Variants in DBX1 observed in about 807,000 individuals in gnomAD.
DBX1 encodes developing brain homeobox 1.
Under a neutral mutation model 20.8 loss-of-function variants are expected in DBX1, and 10 were observed. The observed-to-expected ratio is 0.48, with a 90% confidence interval of 0.30 to 0.82. The LOEUF (loss-of-function observed/expected upper bound fraction) is 0.82. Among genes scored for constraint, DBX1 ranks in the 40% least tolerant of loss-of-function variants. The pLI is 0.07. For missense variants in DBX1, 505 were observed against 468.8 expected, an observed-to-expected ratio of 1.08 and a Z score of -0.71; for synonymous variants, 241 against 213.9, an observed-to-expected ratio of 1.13 and a Z score of -1.11.
In DBX1 at chr11:20,156,777, G is replaced by A; in HGVS notation, c.673-204C>T. ...GCTCGCGGTTCCGTTTGCCTCATCCGCTGCCACCCTGCCCCGAAGGGCGGG... is the reference window on the plus strand; with the variant it reads ...GCTCGCGGTTCCGTTTGCCTCATCCACTGCCACCCTGCCCCGAAGGGCGGG... On this transcript the variant is annotated intron_variant, in intron 3 of 3. Transcript: ENST00000524983. The surrounding 1 kb of genome is among the most constrained non-coding windows in gnomAD (Gnocchi z 4.8). 1.1e-6 allele frequency: 1 copy of A among 897,812 alleles called. No homozygotes were observed. The highest frequency in any genetic ancestry group is 1.8e-6 in the Non-Finnish European group (1 of 568,110). The allele number at this position is 897,812 out of a possible 1,614,324, so 55.6% of individuals were successfully genotyped here. A position where few individuals can be genotyped will look rare whatever the true frequency, so the allele number is the denominator to read the frequency against.
intron 2 of DBX1, among the ~76,000 whole-genome samples, chr11:20,158,014 T>TTG (rs1471374058): frequency 2.6e-5 from 4 of 151,966 alleles, no homozygotes; most frequent in African/African-American, 9.7e-5. Context: ...CAAAAGAGAT[T>TTG]TACACTTTCA....
At position 20,159,301 on chromosome 11, in the gene DBX1, C is replaced by A. The variant is rs1166018065; in HGVS notation, c.368-9G>T. The stretch of plus-strand genomic sequence containing the variant: ...CAAGGCTGGGGATGTTTCTGGTGGG[C>A]GATGGAGGGGGGACAGAAGGAGAGA... On this transcript the variant is annotated splice_polypyrimidine_tract_variant and intron_variant, in intron 1 of 3. Transcript: ENST00000524983. 6.3e-7 allele frequency: 1 copy of A among 1,592,252 alleles called. No individual in the cohort carries two copies. The highest frequency in any genetic ancestry group is 1.1e-5 in the South Asian group (1 of 90,630).
At position 20,156,204 on chromosome 11, in the gene DBX1, C is replaced by T. The variant is rs780739222; in HGVS notation, c.*10G>A. On this transcript the variant is annotated 3_prime_UTR_variant, in exon 4 of 4. Transcript: ENST00000524983. This position sits in a 1 kb window ranked among gnomAD's most constrained non-coding sequence, Gnocchi z 4.8. The stretch of plus-strand genomic sequence containing the variant: ...CACTTAAAAATAGTACTCTGGCGTG[C>T]GAGCGGCTTCTAGGACACGGTGATT... 6.6e-7 allele frequency: 1 copy of T among 1,516,080 alleles called. No individual in the cohort carries two copies. Among genetic ancestry groups the T allele is most frequent in the South Asian group, 1.3e-5 (1 of 74,754 alleles). The allele number at this position is 1,516,080 out of a possible 1,614,324, so 93.9% of individuals were successfully genotyped here. A position where few individuals can be genotyped will look rare whatever the true frequency, so the allele number is the denominator to read the frequency against.
At position 20,160,438 on chromosome 11, in the gene DBX1, C is replaced by G. The variant is rs996386188; in HGVS notation, c.-114G>C. 1.5e-6 allele frequency: 2 copies of G among 1,332,164 alleles called. No individual in the cohort carries two copies. The highest frequency in any genetic ancestry group is 6.6e-5 in the Admixed American group (2 of 30,508). 82.5% of individuals were successfully genotyped at this position (1,332,164 alleles called of 1,614,324 possible). On this transcript the variant is annotated 5_prime_UTR_variant, in exon 1 of 4. Coordinates refer to ENST00000524983, the MANE Select transcript of DBX1 (RefSeq NM_001029865.4). ...TCTCTCTTGGGCTTAGCAAACGTCT[C>G]CAAGTAACAATCCCACTTGGGCGTC...
chr11:20,156,679 T>G lies in DBX1; in HGVS notation c.673-106A>C, dbSNP rs138880471. 118 of 1,508,590 alleles carry G rather than the reference T, an allele frequency of 7.8e-5. 1 individual carries two copies. The African/African-American group carries it at 1.1e-3, about 14-fold the overall frequency. The allele number at this position is 1,508,590 out of a possible 1,614,324, so 93.5% of individuals were successfully genotyped here. On this transcript the variant is annotated intron_variant, in intron 3 of 3. Transcript: ENST00000524983. This position sits in a 1 kb window ranked among gnomAD's most constrained non-coding sequence, Gnocchi z 4.8. Reference sequence around the variant, plus strand: ...TGGAGTCGGGTGCAGGCTCTGTCCTTCGGGCTGTGTCCTCTCCCCACCCCC... The same window carrying G: ...TGGAGTCGGGTGCAGGCTCTGTCCTGCGGGCTGTGTCCTCTCCCCACCCCC...
At position 20,156,696 on chromosome 11, in the gene DBX1, C is replaced by T. The variant is rs775321789; in HGVS notation, c.673-123G>A. 7.1e-5 allele frequency: 100 copies of T among 1,410,408 alleles called. No homozygotes were observed. Among genetic ancestry groups the T allele is most frequent in the Non-Finnish European group, 9.6e-5 (96 of 1,000,038 alleles). 87.4% of individuals were successfully genotyped at this position (1,410,408 alleles called of 1,614,324 possible). On this transcript the variant is annotated intron_variant, in intron 3 of 3. Coordinates refer to ENST00000524983, the MANE Select transcript of DBX1 (RefSeq NM_001029865.4). The surrounding 1 kb of genome is among the most constrained non-coding windows in gnomAD (Gnocchi z 4.8). ...TCTGTCCTTCGGGCTGTGTCCTCTC[C>T]CCACCCCCAGAAATGAGTTCCGGTG...
In DBX1 at chr11:20,156,626, G is replaced by C. The variant is rs778618317; in HGVS notation, c.673-53C>G. 4 of 1,613,324 alleles carry C rather than the reference G, an allele frequency of 2.5e-6. No individual in the cohort carries two copies. Among genetic ancestry groups the C allele is most frequent in the East Asian group, 2.2e-5 (1 of 44,850 alleles). ...GGGAGAAGCAGAGGTCAGATCAGGG[G>C]CTCCGGGGGACGCACGGGGGCGGGG... is the stretch of plus-strand genomic sequence containing the variant. On this transcript the variant is annotated intron_variant, in intron 3 of 3. Transcript: ENST00000524983. The surrounding 1 kb of genome is among the most constrained non-coding windows in gnomAD (Gnocchi z 4.8).
chr11:20,156,817 A>C lies in DBX1; in HGVS notation c.672+220T>G. The C allele has an allele frequency of 2.6e-6, 2 of 756,680 alleles. No individual in the cohort carries two copies. Among genetic ancestry groups the C allele is most frequent in the Non-Finnish European group, 4.3e-6 (2 of 465,280 alleles). 46.9% of individuals were successfully genotyped at this position (756,680 alleles called of 1,614,324 possible). On this transcript the variant is annotated intron_variant, in intron 3 of 3. Coordinates refer to ENST00000524983, the MANE Select transcript of DBX1 (RefSeq NM_001029865.4). This position sits in a 1 kb window ranked among gnomAD's most constrained non-coding sequence, Gnocchi z 4.8. The stretch of plus-strand genomic sequence containing the variant: ...CGAAGGGCGGGGTTGGGGGCCGGTG[A>C]GGCCGGGAGAGAAGGCGGGGAGTCG...
chr11:20,160,148 G>C lies in DBX1; in HGVS notation c.177C>G (p.Pro59=). Residue 59 remains proline (P), a synonymous_variant, in exon 1 of 4, where the codon CCC becomes CCG. Transcript: ENST00000524983. ...GCCTGGGCGGCGACATGCTGGCGGTGGGCACGCTGCGGGGCAGGTAGGCGG... is the reference window on the plus strand; with the variant it reads ...GCCTGGGCGGCGACATGCTGGCGGTCGGCACGCTGCGGGGCAGGTAGGCGG... ...RPPAYLPRSV[P]TASMSPPRQG... 6.5e-7 allele frequency: 1 copy of C among 1,548,162 alleles called. No homozygotes were observed. Among genetic ancestry groups the C allele is most frequent in the Admixed American group, 2.0e-5 (1 of 50,860 alleles).
At chr11:20,157,413 A>AAAC (rs1031528481) in intron 2 of DBX1, among the ~76,000 whole-genome samples, 174 bp from the exon 3 acceptor site, 8 of 152,266 alleles carry the variant, frequency 5.3e-5, no homozygotes, top group African/African-American at 1.9e-4. Context: ...CTTTCCGCCC[A>AAAC]AACAACTTTC....
chr11:20,159,285 G>A lies in DBX1; in HGVS notation c.375C>T (p.Ser125=), dbSNP rs1473263329. 6.2e-7 allele frequency: 1 copy of A among 1,612,206 alleles called. No individual in the cohort carries two copies. The highest frequency in any genetic ancestry group is 1.1e-5 in the South Asian group (1 of 91,020). The change falls in exon 2 of 4, where the codon TCC becomes TCT. Residue 125 remains serine (S), a synonymous_variant. Transcript: ENST00000524983. ...ILSSGPRTET[S]PALLQSVPPK... is the part of the protein sequence containing the mutation. ...GAGGGACGCTCTGGAGCAAGGCTGG[G>A]GATGTTTCTGGTGGGCGATGGAGGG... is the stretch of plus-strand genomic sequence containing the variant.
rs1351277232 is a variant in DBX1, at chr11:20,156,644, G to C, written c.673-71C>G. On this transcript the variant is annotated intron_variant, in intron 3 of 3. Coordinates refer to ENST00000524983, the MANE Select transcript of DBX1 (RefSeq NM_001029865.4). This position sits in a 1 kb window ranked among gnomAD's most constrained non-coding sequence, Gnocchi z 4.8. Reference sequence around the variant, plus strand: ...ATCAGGGGCTCCGGGGGACGCACGGGGGCGGGGAGTGGAGTCGGGTGCAGG... The same window carrying C: ...ATCAGGGGCTCCGGGGGACGCACGGCGGCGGGGAGTGGAGTCGGGTGCAGG... 1.9e-6 allele frequency: 3 copies of C among 1,609,234 alleles called. No homozygotes were observed. The highest frequency in any genetic ancestry group is 1.7e-6 in the Non-Finnish European group (2 of 1,176,832).
rs1291886185 is a variant in DBX1, at chr11:20,156,651, G to A, written c.673-78C>T. On this transcript the variant is annotated intron_variant, in intron 3 of 3. Coordinates refer to ENST00000524983, the MANE Select transcript of DBX1 (RefSeq NM_001029865.4). This position sits in a 1 kb window ranked among gnomAD's most constrained non-coding sequence, Gnocchi z 4.8. The stretch of plus-strand genomic sequence containing the variant: ...GCTCCGGGGGACGCACGGGGGCGGG[G>A]AGTGGAGTCGGGTGCAGGCTCTGTC... 1 of 1,600,492 alleles carries A rather than the reference G, an allele frequency of 6.2e-7. No homozygotes were observed. The highest frequency in any genetic ancestry group is 8.6e-7 in the Non-Finnish European group (1 of 1,169,162).
Position 20,156,607 on chromosome 11 carries a change from A to G in DBX1, c.673-34T>C, listed in dbSNP as rs755120539. 5.6e-6 allele frequency: 9 copies of G among 1,613,752 alleles called. No individual in the cohort carries two copies. Among genetic ancestry groups the G allele is most frequent in the Non-Finnish European group, 7.6e-6 (9 of 1,179,988 alleles). ...TCCCGGCCGGCGAGAAGAAGGGAGAAGCAGAGGTCAGATCAGGGGCTCCGG... is the reference window on the plus strand; with the variant it reads ...TCCCGGCCGGCGAGAAGAAGGGAGAGGCAGAGGTCAGATCAGGGGCTCCGG... On this transcript the variant is annotated intron_variant, in intron 3 of 3. Coordinates refer to ENST00000524983, the MANE Select transcript of DBX1 (RefSeq NM_001029865.4). This position sits in a 1 kb window ranked among gnomAD's most constrained non-coding sequence, Gnocchi z 4.8.
rs752461282 is a variant in DBX1 at position 20,157,009 on chromosome 11, G to A, written c.672+28C>T. On this transcript the variant is annotated intron_variant, in intron 3 of 3. Transcript: ENST00000524983. ...GGGAGGGGTGAAGGGCGGGGGCGGG[G>A]GGGGTGCTGTGGAGGAAATGCGCTC... The A allele has an allele frequency of 8.1e-6, 13 of 1,610,110 alleles. No homozygotes were observed. The Admixed American group carries it at 2.0e-4, about 25-fold the overall frequency.
At position 20,157,143 on chromosome 11, in the gene DBX1, G is replaced by C. The variant is rs144313400; in HGVS notation, c.566C>G (p.Ser189Cys). Residue 189 changes from serine to cysteine, a missense_variant, in exon 3 of 4, where the codon TCC (serine) becomes TGC (cysteine). By Grantham distance (112) the Ser-to-Cys change is moderately radical. Transcript: ENST00000524983. ...CTCCAGCGCCTTCCGCTGCACGTCG[G>C]AGAAGACTGCTCGACGCAGCATGCC... ...RRGMLRRAVF[S>C]DVQRKALEKM... 6.2e-6 allele frequency: 10 copies of C among 1,613,052 alleles called. No homozygotes were observed. The highest frequency in any genetic ancestry group is 8.5e-6 in the Non-Finnish European group (10 of 1,179,850).
chr11:20,157,058 C>G lies in DBX1; in HGVS notation c.651G>C (p.Lys217Asn), dbSNP rs1160069441. The change falls in exon 3 of 4, where the codon AAG (lysine) becomes AAC (asparagine). Residue 217 changes from lysine (K) to asparagine (N), a missense_variant. Transcript: ENST00000524983. ...SKPDRKKLAA[K>N]LGLKDSQVKI... is the part of the protein sequence containing the mutation. ...TCACCTGCGAGTCTTTCAGGCCCAG[C>G]TTGGCCGCCAGCTTCTTGCGGTCGG... is the stretch of plus-strand genomic sequence containing the variant. 5.0e-6 allele frequency: 8 copies of G among 1,613,994 alleles called. No individual in the cohort carries two copies. The highest frequency in any genetic ancestry group is 6.8e-6 in the Non-Finnish European group (8 of 1,180,006).
In DBX1 at chr11:20,156,424, C is replaced by G. The variant is rs1425583499; in HGVS notation, c.822G>C (p.Gly274=). 4.4e-6 allele frequency: 7 copies of G among 1,605,988 alleles called. No homozygotes were observed. The highest frequency in any genetic ancestry group is 1.3e-5 in the African/African-American group (1 of 74,912). Residue 274 remains glycine, a synonymous_variant, in exon 4 of 4, where the codon GGG becomes GGC. Coordinates refer to ENST00000524983, the MANE Select transcript of DBX1 (RefSeq NM_001029865.4). This position sits in a 1 kb window ranked among gnomAD's most constrained non-coding sequence, Gnocchi z 4.8. ...DLSDVGQKGP[G]NEEEEEGPGS... Reference sequence around the variant, plus strand: ...CCGGGCCCTCCTCCTCCTCTTCGTTCCCAGGGCCCTTCTGGCCCACGTCGC... The same window carrying G: ...CCGGGCCCTCCTCCTCCTCTTCGTTGCCAGGGCCCTTCTGGCCCACGTCGC...
chr11:20,156,636 A>G lies in DBX1; in HGVS notation c.673-63T>C. The G allele has an allele frequency of 6.2e-7, 1 of 1,612,138 alleles. No individual in the cohort carries two copies. Among genetic ancestry groups the G allele is most frequent in the Non-Finnish European group, 8.5e-7 (1 of 1,179,138 alleles). On this transcript the variant is annotated intron_variant, in intron 3 of 3. Transcript: ENST00000524983. This position sits in a 1 kb window ranked among gnomAD's most constrained non-coding sequence, Gnocchi z 4.8. ...GAGGTCAGATCAGGGGCTCCGGGGGACGCACGGGGGCGGGGAGTGGAGTCG... is the reference window on the plus strand; with the variant it reads ...GAGGTCAGATCAGGGGCTCCGGGGGGCGCACGGGGGCGGGGAGTGGAGTCG...
Sources: gnomAD v4.1 joint callset for allele counts (sites outside exome capture counted in the v4.1 genomes callset) on GRCh38, gnomAD v4.1.1 for gene constraint, Gnocchi (gnomAD v3.1) non-coding constraint, MANE v1.5 for transcripts, NCBI Gene and HGNC (gene_info 2026-07-23, HGNC 2026-07-21) for gene names.